The following PHEX variants were observed in gnomAD, a reference collection of about 807,000 sequenced individuals.
PHEX encodes phosphate-regulating neutral endopeptidase PHEX.
PHEX carries 16 observed loss-of-function variants against 68.0 expected under a neutral mutation model. That is an observed-to-expected ratio of 0.24 (90% CI 0.16 to 0.36). The LOEUF (loss-of-function observed/expected upper bound fraction) is 0.36, where lower values mean the gene tolerates loss of function less well. Ranked by LOEUF, PHEX falls within the 10% of genes least tolerant of loss-of-function variation. The pLI is 1.00. For synonymous variants in PHEX, 208 were observed against 205.1 expected (o/e 1.01, Z -0.12); for missense variants, 480 against 575.5 (o/e 0.83, Z 1.70).
chrX:22,162,086 A>G (rs1933151500), intron 12 of PHEX, among the ~76,000 whole-genome samples: 1 of 112,092 alleles, frequency 8.9e-6, no homozygotes, highest in African/African-American at 3.2e-5. Flanking sequence ...AGCAACCTGT[A>G]TCTTTGATCT....
At chrX:22,135,419 G>C (rs760470815) in intron 12 of PHEX, among the ~76,000 whole-genome samples, 1 of 112,200 alleles carries the variant, frequency 8.9e-6, no homozygotes, top group South Asian at 3.7e-4. Context: ...CTTTATCCTC[G>C]CCTGACCCCA....
chrX:22,195,331 C>T (rs1380066477), intron 15 of PHEX, among the ~76,000 whole-genome samples: 2 of 111,855 alleles, frequency 1.8e-5, no homozygotes, highest in African/African-American at 6.5e-5. Flanking sequence ...TGGTGGCTCA[C>T]GCCTGTAATC....
At chrX:22,230,934 A>ATT (rs1935711355) in intron 20 of PHEX, among the ~76,000 whole-genome samples, 2 of 111,399 alleles carry the variant, frequency 1.8e-5, no homozygotes, top group Non-Finnish European at 3.8e-5. Flanking sequence ...TAGCTCTTCC[A>ATT]ATTTTGAGAT....
intron 3 of PHEX, among the ~76,000 whole-genome samples, chrX:22,050,029 A>G (rs1435528999): frequency 8.9e-6 from 1 of 112,714 alleles, no homozygotes; most frequent in Non-Finnish European, 1.9e-5. Flanking sequence ...ACACAGCCAC[A>G]TCCATTCGCT....
In PHEX at chrX:22,061,626, G is replaced by A. The variant is rs776724667; in HGVS notation, c.349+14415G>A. On this transcript the variant is annotated intron_variant, in intron 3 of 21. Transcript: ENST00000379374. The stretch of plus-strand genomic sequence containing the variant: ...GGACTCTGAACTGAGCTCCCAACAC[G>A]GAAGATGTAAGATTTATCTGCATTT... Among the ~76,000 whole-genome samples the A allele has an allele frequency of 4.5e-5, 5 of 111,111 alleles. No homozygotes were observed. In the South Asian group the frequency reaches 1.5e-3, roughly 34 times the overall value.
intron 11 of PHEX, among the ~76,000 whole-genome samples, chrX:22,129,155 C>CA (rs761628132): frequency 9.0e-6 from 1 of 111,241 alleles, no homozygotes; most frequent in East Asian, 2.8e-4. Context: ...TGCGTATATA[C>CA]AGGGTGGAGA....
chrX:22,145,875 T>A (rs1490552138), intron 12 of PHEX, among the ~76,000 whole-genome samples: 1 of 112,596 alleles, frequency 8.9e-6, no homozygotes, highest in Non-Finnish European at 1.9e-5. Flanking sequence ...TAAATGGCTA[T>A]CTTTCTCTTG....
intron 2 of PHEX, among the ~76,000 whole-genome samples, chrX:22,040,176 A>G (rs148721163): frequency 9.8e-5 from 11 of 111,844 alleles, no homozygotes; most frequent in Non-Finnish European, 2.1e-4. Flanking sequence ...TCCTTTTTCC[A>G]AAAGGAAAGT....
In PHEX at chrX:22,089,406, G is replaced by GTT. The variant is rs60936413; in HGVS notation, c.664-1014_664-1013dup. ...CTTTAAGGTGCTGAAAGTTTTTTTT[G>GTT]TTTTTTTTTTGTTTTTTTTGTTTTT... On this transcript the variant is annotated intron_variant, in intron 5 of 21. Transcript: ENST00000379374. Among the ~76,000 whole-genome samples the GTT allele has an allele frequency of 3.9e-3, 387 of 99,173 alleles. 2 individuals are homozygous for GTT. Among genetic ancestry groups the GTT allele is most frequent in the African/African-American group, 0.013 (363 of 27,352 alleles). 86.1% of individuals were successfully genotyped at this position (99,173 alleles called of 115,157 possible). A position where few individuals can be genotyped will look rare whatever the true frequency, so the allele number is the denominator to read the frequency against.
At chrX:22,217,573 GAACT>G (rs61659795) in intron 16 of PHEX, among the ~76,000 whole-genome samples, 20 of 111,808 alleles carry the variant, frequency 1.8e-4, no homozygotes, top group Non-Finnish European at 3.2e-4. Context: ...TGCATGTCAG[GAACT>G]AACTGTGAGA....
chrX:22,206,350 A>G (rs781340661), intron 15 of PHEX, among the ~76,000 whole-genome samples: 1 of 112,018 alleles, frequency 8.9e-6, no homozygotes, highest in South Asian at 3.7e-4. Context: ...AAGATACAGA[A>G]TCAGTTAATT....
intron 11 of PHEX, among the ~76,000 whole-genome samples, chrX:22,121,497 G>A (rs994070387): frequency 2.7e-5 from 3 of 111,800 alleles, no homozygotes; most frequent in Non-Finnish European, 5.6e-5. Flanking sequence ...AGGGCAAGAC[G>A]TACTTGAGAA....
chrX:22,061,228 ACG>A (rs1312310791), intron 3 of PHEX, among the ~76,000 whole-genome samples: 6 of 112,211 alleles, frequency 5.3e-5, no homozygotes, highest in African/African-American at 1.6e-4. Context: ...GAATTGGTCA[ACG>A]GCAGAATGGA....
At chrX:22,182,648 G>A (rs1041713876) in intron 14 of PHEX, among the ~76,000 whole-genome samples, 2 of 110,206 alleles carry the variant, frequency 1.8e-5, no homozygotes, top group Admixed American at 1.9e-4. Flanking sequence ...TGGTGTTCCT[G>A]CAGGGAGGAC....
intron 13 of PHEX, among the ~76,000 whole-genome samples, chrX:22,175,013 T>C (rs746777691): frequency 3.0e-4 from 34 of 111,661 alleles, no homozygotes; most frequent in Admixed American, 7.7e-4. Context: ...TTAGCCCTGT[T>C]TCCCATCTAT....
chrX:22,094,254 A>T (rs966775765), intron 7 of PHEX, among the ~76,000 whole-genome samples, 155 bp downstream of exon 7: 4 of 112,289 alleles, frequency 3.6e-5, no homozygotes, highest in Non-Finnish European at 7.5e-5. Context: ...ATTGGGCCCA[A>T]GGTAGAACTA....
intron 20 of PHEX, among the ~76,000 whole-genome samples, chrX:22,230,573 C>CTGTT (rs1306423906): frequency 9.1e-6 from 1 of 109,534 alleles, no homozygotes; most frequent in Admixed American, 9.8e-5. Context: ...ATTTGGCTCT[C>CTGTT]TGTTTGTCTG....
intron 20 of PHEX, among the ~76,000 whole-genome samples, chrX:22,233,162 TGA>T (rs1935827994): frequency 8.9e-6 from 1 of 111,771 alleles, no homozygotes; most frequent in African/African-American, 3.2e-5. Context: ...GAGTTTGTGC[TGA>T]GAGAGATCCA....
At chrX:22,149,733 G>A (rs1351164162) in intron 12 of PHEX, among the ~76,000 whole-genome samples, 1 of 112,847 alleles carries the variant, frequency 8.9e-6, no homozygotes, top group African/African-American at 3.2e-5. Flanking sequence ...CAGCCTGGGC[G>A]ACAAGAGCGA....
Sources: allele counts gnomAD v4.1 joint callset (sites outside exome capture counted in the v4.1 genomes callset), GRCh38; gene constraint gnomAD v4.1.1; transcripts MANE v1.5; gene names NCBI Gene and HGNC (gene_info 2026-07-23, HGNC 2026-07-21).